Variants in STAG1 observed in about 807,000 individuals in gnomAD.
The protein encoded by STAG1 is cohesin subunit SA-1.
In STAG1, 26 loss-of-function variants were observed where a neutral mutation model predicts 170.9. The observed-to-expected ratio is 0.15, with a 90% confidence interval of 0.11 to 0.21. The LOEUF (loss-of-function observed/expected upper bound fraction) is 0.21, where lower values mean the gene tolerates loss of function less well. Ranked by LOEUF, STAG1 falls within the 10% of genes least tolerant of loss-of-function variation. The pLI, the probability that STAG1 is intolerant of heterozygous loss-of-function variation, is 1.00. For missense variants in STAG1, 964 were observed against 1,509.5 expected (o/e 0.64, Z 5.99); for synonymous variants, 514 against 497.7 (o/e 1.03, Z -0.44).
intron 1 of STAG1, among the ~76,000 whole-genome samples, chr3:136,656,155 G>T (rs1317270008): frequency 6.7e-6 from 1 of 148,688 alleles, no homozygotes; most frequent in Admixed American, 6.6e-5. Flanking sequence ...TTAGCGAGTC[G>T]CAAAAAAATA....
At chr3:136,461,003 A>C (rs926470488) in intron 13 of STAG1, among the ~76,000 whole-genome samples, 3 of 152,244 alleles carry the variant, frequency 2.0e-5, no homozygotes. Flanking sequence ...AGCAGGATTT[A>C]TATCAGGGAC....
At chr3:136,730,690 A>T (rs1933963045) in intron 1 of STAG1, among the ~76,000 whole-genome samples, 1 of 152,236 alleles carries the variant, frequency 6.6e-6, no homozygotes, top group African/African-American at 2.4e-5. Context: ...ATAGTTTTAA[A>T]GCTGTCAGGT....
chr3:136,604,623 TAA>T (rs1175954317), intron 3 of STAG1, 150 bp from the exon 4 acceptor site: 8 of 676,484 alleles, frequency 1.2e-5, no homozygotes, highest in Non-Finnish European at 1.6e-5. Context: ...GAGCAAAACA[TAA>T]GTTTATACAT....
chr3:136,466,304 T>G (rs1424038323), intron 12 of STAG1, among the ~76,000 whole-genome samples: 1 of 152,170 alleles, frequency 6.6e-6, no homozygotes, highest in African/African-American at 2.4e-5. Flanking sequence ...AGAGAAGTCC[T>G]TAAATGACCT....
intron 29 of STAG1, among the ~76,000 whole-genome samples, chr3:136,344,212 T>C (rs1936121745): frequency 1.3e-5 from 2 of 152,218 alleles, no homozygotes; most frequent in African/African-American, 4.8e-5. Flanking sequence ...ATGCATTACC[T>C]AACCTCACGA....
chr3:136,609,564 C>A (rs1217354468), intron 3 of STAG1: 1 of 153,262 alleles, frequency 6.5e-6, no homozygotes, highest in African/African-American at 2.4e-5. Flanking sequence ...CAAGAAGAGT[C>A]CAGCTTCTGG....
intron 23 of STAG1, among the ~76,000 whole-genome samples, chr3:136,377,386 C>CA (rs57934830): frequency 0.07 from 2,985 of 42,560 alleles, 348 homozygotes; most frequent in Middle Eastern, 0.28. Flanking sequence ...GACTCTGTCT[C>CA]AAAAAAAAAA....
At chr3:136,381,414 A>G (rs1029806171) in intron 22 of STAG1, among the ~76,000 whole-genome samples, 6 of 152,358 alleles carry the variant, frequency 3.9e-5, no homozygotes, top group Middle Eastern at 3.4e-3. Context: ...AAACATTAAA[A>G]AAATGAATAA....
At chr3:136,622,090 G>C (rs1456237938) in intron 3 of STAG1, among the ~76,000 whole-genome samples, 2 of 125,218 alleles carry the variant, frequency 1.6e-5, no homozygotes, top group African/African-American at 6.1e-5. Context: ...CTGATGTCAA[G>C]AGTTCGAGAC....
chr3:136,698,633 C>T (rs186860653), intron 1 of STAG1, among the ~76,000 whole-genome samples: 97 of 152,276 alleles, frequency 6.4e-4, no homozygotes, highest in African/African-American at 2.2e-3. Flanking sequence ...AACAATCCCA[C>T]TGCTGGGTAA....
chr3:136,692,711 AC>A (rs1436429917), intron 1 of STAG1, among the ~76,000 whole-genome samples: 1 of 152,114 alleles, frequency 6.6e-6, no homozygotes, highest in African/African-American at 2.4e-5. Context: ...ACAAATCTCT[AC>A]CCTCAACCAT....
chr3:136,695,086 G>T, intron 1 of STAG1, among the ~76,000 whole-genome samples: 1 of 152,168 alleles, frequency 6.6e-6, no homozygotes, highest in East Asian at 1.9e-4. Context: ...GTCCAATTTA[G>T]ACTGTTTTTT....
At chr3:136,580,126 C>G (rs1457707150) in intron 4 of STAG1, among the ~76,000 whole-genome samples, 1 of 151,834 alleles carries the variant, frequency 6.6e-6, no homozygotes, top group African/African-American at 2.4e-5. Context: ...CACCACCACG[C>G]ACAGCTAATT....
At chr3:136,597,816 A>T (rs548777224) in intron 4 of STAG1, among the ~76,000 whole-genome samples, 5 of 150,812 alleles carry the variant, frequency 3.3e-5, no homozygotes, top group South Asian at 2.1e-4. Flanking sequence ...TGTATTGGCT[A>T]GGTGTTCCAG....
chr3:136,460,861 C>T (rs2089254318), intron 13 of STAG1, among the ~76,000 whole-genome samples: 1 of 152,080 alleles, frequency 6.6e-6, no homozygotes, highest in Non-Finnish European at 1.5e-5. Flanking sequence ...CAGACAAAGA[C>T]AAAATAACAA....
At chr3:136,459,464 A>G (rs759349848) in intron 13 of STAG1, among the ~76,000 whole-genome samples, 7 of 152,146 alleles carry the variant, frequency 4.6e-5, no homozygotes, top group Non-Finnish European at 1.0e-4. Flanking sequence ...TCCAGACGGA[A>G]AAAGAATCAA....
chr3:136,372,184 T>C (rs776595061), intron 23 of STAG1, among the ~76,000 whole-genome samples: 15 of 152,236 alleles, frequency 9.9e-5, no homozygotes, highest in African/African-American at 1.4e-4. Flanking sequence ...CTTGTGATGT[T>C]TGCACATTGA....
chr3:136,572,950 A>C (rs555616092), intron 4 of STAG1, among the ~76,000 whole-genome samples: 1 of 152,320 alleles, frequency 6.6e-6, no homozygotes, highest in South Asian at 2.1e-4. Flanking sequence ...CCAATGCGGA[A>C]GGACCACTTG....
intron 11 of STAG1, 114 bp downstream of exon 11, chr3:136,473,425 C>T: frequency 1.3e-6 from 1 of 752,088 alleles, no homozygotes; most frequent in East Asian, 3.0e-5. Flanking sequence ...TTGGGGACTG[C>T]TGTAATAAAG....
Sources: allele counts gnomAD v4.1 joint callset (sites outside exome capture counted in the v4.1 genomes callset), GRCh38; gene constraint gnomAD v4.1.1; transcripts MANE v1.5; gene names NCBI Gene and HGNC (gene_info 2026-07-23, HGNC 2026-07-21).